The following ABCA10 variants were observed in gnomAD, a reference collection of about 807,000 sequenced individuals.
ABCA10 encodes the protein ATP-binding cassette sub-family A member 10.
Under a neutral mutation model 187.5 loss-of-function variants are expected in ABCA10, and 169 were observed. The ratio of observed to expected loss-of-function variants is 0.90; its 90% CI spans 0.80 to 1.02. The LOEUF (loss-of-function observed/expected upper bound fraction) is 1.02. Among genes scored for constraint, ABCA10 ranks in the 50% least tolerant of loss-of-function variants. The pLI, the probability that ABCA10 is intolerant of heterozygous loss-of-function variation, is 0.00. For missense variants in ABCA10, 1,727 were observed against 1,812.4 expected (o/e 0.95, Z 0.86); for synonymous variants, 574 against 601.8 (o/e 0.95, Z 0.68).
chr17:69,227,820 A>T (rs1319458512), intron 1 of ABCA10, among the ~76,000 whole-genome samples: 2 of 151,946 alleles, frequency 1.3e-5, no homozygotes, highest in East Asian at 3.9e-4. Flanking sequence ...AATCCCAAAA[A>T]GCTAATTCCT....
Position 69,185,511 on chromosome 17 carries a change from C to T in ABCA10, c.2463G>A (p.Thr821=), listed in dbSNP as rs771541028. 1.9e-5 allele frequency: 31 copies of T among 1,613,250 alleles called. 1 individual carries two copies. The highest frequency in any genetic ancestry group is 1.5e-4 in the South Asian group (14 of 90,970). The part of the protein sequence containing the change: ...YFLSLEQIPK[T]PLTSLLIVNN... ...TAACGATTAACAGGCTGGTAAGAGG[C>T]GTCTTCGGGATTTGTTCCAGAGAAA... Residue 821 remains threonine, a synonymous_variant, in exon 20 of 39, where the codon ACG becomes ACA. Coordinates refer to ENST00000690296, the MANE Select transcript of ABCA10 (RefSeq NM_001377321.1).
chr17:69,192,275 C>T (rs1292810289), intron 16 of ABCA10, among the ~76,000 whole-genome samples: 1 of 152,036 alleles, frequency 6.6e-6, no homozygotes, highest in Non-Finnish European at 1.5e-5. Context: ...AGCCACTGCA[C>T]TCCAGCCTGG....
At chr17:69,206,816 A>G (rs2074595336) in intron 9 of ABCA10, among the ~76,000 whole-genome samples, 1 of 152,192 alleles carries the variant, frequency 6.6e-6, no homozygotes, top group South Asian at 2.1e-4. Context: ...TAAAACTACT[A>G]GAAGGAAACG....
upstream of ABCA10, among the ~76,000 whole-genome samples, chr17:69,229,867 A>G (rs147609112): frequency 1.6e-4 from 24 of 152,190 alleles, no homozygotes; most frequent in East Asian, 1.9e-3. Flanking sequence ...TGGGTGGGGA[A>G]AACAATTAAA....
Position 69,150,045 on chromosome 17 carries a change from C to A in ABCA10, c.4416G>T (p.Ala1472=), listed in dbSNP as rs145128382. Residue 1472 remains alanine, a synonymous_variant, in exon 37 of 39, where the codon GCG becomes GCT. Coordinates refer to ENST00000690296, the MANE Select transcript of ABCA10 (RefSeq NM_001377321.1). ...GGACATCCTCCACAGGTAACTTATA[C>A]GCCATTAAAGAGGAATATCTGTCAG... ...AWQERYSSLM[A]YKLPVEDVHP... is the part of the protein sequence containing the mutation. 68 of 1,612,508 alleles carry A rather than the reference C, an allele frequency of 4.2e-5. No individual in the cohort carries two copies. In the African/African-American group the frequency reaches 6.5e-4, roughly 15 times the overall value.
rs553013857 is a variant in ABCA10 at position 69,238,529 on chromosome 17, T to C, written c.-593+6000A>G. On this transcript the variant is annotated intron_variant, in intron 1 of 39. Coordinates refer to the ABCA10 transcript ENST00000269081. The stretch of plus-strand genomic sequence containing the variant: ...ATGAACTAGCTCTAGGCTAGGATTT[T>C]AGTTATTATCTAGAACTCAAATGCC... Among the ~76,000 whole-genome samples, 7 of 152,328 alleles carry C rather than the reference T, an allele frequency of 4.6e-5. 1 individual carries two copies. Among genetic ancestry groups the C allele is most frequent in the African/African-American group, 1.7e-4 (7 of 41,578 alleles).
At chr17:69,172,688 TCAAA>T (rs999219893) in intron 25 of ABCA10, among the ~76,000 whole-genome samples, 37 of 150,424 alleles carry the variant, frequency 2.5e-4, no homozygotes, top group African/African-American at 4.4e-4. Context: ...AAAAACAAAT[TCAAA>T]CAAACAAAAA....
chr17:69,206,832 G>T (rs950775455), intron 9 of ABCA10, among the ~76,000 whole-genome samples: 2 of 152,176 alleles, frequency 1.3e-5, no homozygotes, highest in Admixed American at 1.3e-4. Context: ...AAACGGGGGA[G>T]AGGGGAGCTT....
chr17:69,177,769 C>T (rs1015963684), intron 22 of ABCA10, among the ~76,000 whole-genome samples: 5 of 150,822 alleles, frequency 3.3e-5, no homozygotes, highest in African/African-American at 7.3e-5. Flanking sequence ...GCCTGGCCAA[C>T]GTGGTGAAAC....
Position 69,197,131 on chromosome 17 carries a change from A to G in ABCA10, c.1176-9T>C. Reference sequence around the variant, plus strand: ...TTATAACATTTCTGATTCTGAAAGAAGATGAAGTAATTTTCATGTAAATGC... The same window carrying G: ...TTATAACATTTCTGATTCTGAAAGAGGATGAAGTAATTTTCATGTAAATGC... On this transcript the variant is annotated splice_polypyrimidine_tract_variant and intron_variant, in intron 10 of 38. Transcript: ENST00000690296. 1 of 1,573,506 alleles carries G rather than the reference A, an allele frequency of 6.4e-7. No homozygotes were observed. Among genetic ancestry groups the G allele is most frequent in the Non-Finnish European group, 8.7e-7 (1 of 1,146,560 alleles).
At chr17:69,152,595 G>A in intron 34 of ABCA10, 114 bp from the exon 35 acceptor site, 1 of 1,401,216 alleles carries the variant, frequency 7.1e-7, no homozygotes, top group Non-Finnish European at 9.5e-7. Context: ...CAAGAAACCT[G>A]TGCAACATGG....
At chr17:69,238,137 G>A (rs2144867387) in intron 1 of ABCA10, among the ~76,000 whole-genome samples, 1 of 146,760 alleles carries the variant, frequency 6.8e-6, no homozygotes, top group Admixed American at 6.8e-5. Context: ...ACTCCAGCTT[G>A]GGCAACAGAG....
At position 69,195,556 on chromosome 17, in the gene ABCA10, T is replaced by TTTTTTC. The variant is rs1306844002; in HGVS notation, c.1235-1062_1235-1061insGAAAAA. ...CATTATCAAACAATGAAGTTTTTCT[T>TTTTTTC]TTTTTTTTTTTTTTTTAGTATTTAT... On this transcript the variant is annotated intron_variant, in intron 11 of 38. Coordinates refer to ENST00000690296, the MANE Select transcript of ABCA10 (RefSeq NM_001377321.1). 9.3e-4 allele frequency among the ~76,000 whole-genome samples: 132 copies of TTTTTTC among 142,140 alleles called. 1 individual carries two copies. Among genetic ancestry groups the TTTTTTC allele is most frequent in the African/African-American group, 3.3e-3 (125 of 38,194 alleles). The allele number at this position is 142,140 out of a possible 152,430, so 93.2% of individuals were successfully genotyped here. A position where few individuals can be genotyped will look rare whatever the true frequency, so the allele number is the denominator to read the frequency against.
chr17:69,157,598 G>T (rs892390542), intron 27 of ABCA10, among the ~76,000 whole-genome samples: 2 of 152,214 alleles, frequency 1.3e-5, no homozygotes, highest in Admixed American at 6.5e-5. Flanking sequence ...GGTTTAACAT[G>T]GTACCAGACT....
At chr17:69,239,805 A>G (rs2074893526) in intron 1 of ABCA10, among the ~76,000 whole-genome samples, 1 of 152,160 alleles carries the variant, frequency 6.6e-6, no homozygotes, top group Non-Finnish European at 1.5e-5. Context: ...CTAGCTGTAT[A>G]GTGACGTTGG....
At position 69,155,040 on chromosome 17, in the gene ABCA10, C is replaced by G. The variant is rs751195093; in HGVS notation, c.3673G>C (p.Val1225Leu). Residue 1225 changes from valine (V) to leucine (L), a missense_variant, in exon 30 of 39, where the codon GTT (valine) becomes CTT (leucine). Physicochemically the swap from Val to Leu is conservative, Grantham distance 32. Coordinates refer to ENST00000690296, the MANE Select transcript of ABCA10 (RefSeq NM_001377321.1). ...TRKKKIAIRN[V>L]SFCVKKGEVL... Reference sequence around the variant, plus strand: ...AAACCTTTTTTAACACAAAAGGAAACATTTCTGATGGCTATTTTCTTCTTT... The same window carrying G: ...AAACCTTTTTTAACACAAAAGGAAAGATTTCTGATGGCTATTTTCTTCTTT... 2.5e-6 allele frequency: 4 copies of G among 1,600,838 alleles called. No individual in the cohort carries two copies. Among genetic ancestry groups the G allele is most frequent in the East Asian group, 2.2e-5 (1 of 44,654 alleles).
chr17:69,222,001 A>G (rs774310697), intron 4 of ABCA10, 106 bp from the exon 5 acceptor site: 19 of 815,008 alleles, frequency 2.3e-5, no homozygotes, highest in Non-Finnish European at 3.6e-5. Flanking sequence ...ATGTTAGCTC[A>G]AAGCCTATGA....
At chr17:69,157,019 C>G in intron 27 of ABCA10, 96 bp from the exon 28 acceptor site, 1 of 692,934 alleles carries the variant, frequency 1.4e-6, no homozygotes, top group African/African-American at 2.0e-5. Flanking sequence ...AAGATTTGAT[C>G]ATTTTCTTGA....
In ABCA10 at chr17:69,221,875, C is replaced by T; in HGVS notation, c.220G>A (p.Gly74Ser). ...EYTEHCWAMH[G>S]EIFCYLAKYW... ...TTTGCCAAGTAACAAAAAATTTCAC[C>T]ATGCATGGCCCAACAGTGTTCTTTA... The change falls in exon 5 of 39, where the codon GGT (glycine) becomes AGT (serine). Residue 74 changes from glycine to serine, a missense_variant. By Grantham distance (56) the Gly-to-Ser change is moderately conservative. Transcript: ENST00000690296. The T allele has an allele frequency of 1.9e-6, 3 of 1,612,796 alleles. No homozygotes were observed. The highest frequency in any genetic ancestry group is 2.5e-6 in the Non-Finnish European group (3 of 1,179,382).
Sources: gnomAD v4.1 joint callset for allele counts (sites outside exome capture counted in the v4.1 genomes callset) on GRCh38, gnomAD v4.1.1 for gene constraint, MANE v1.5 for transcripts, NCBI Gene and HGNC (gene_info 2026-07-23, HGNC 2026-07-21) for gene names.